ZC3HC1: variants seen among roughly 807,000 people sequenced by gnomAD.
ZC3HC1 encodes zinc finger C3HC-type containing 1, also known as zinc finger C3HC-type protein 1.
A neutral mutation model predicts 61.9 loss-of-function variants in ZC3HC1; 38 were observed. The observed-to-expected ratio is 0.61, with a 90% CI of 0.47 to 0.81. ZC3HC1 has a LOEUF of 0.81. Ranked by LOEUF, ZC3HC1 falls within the 30% of genes least tolerant of loss-of-function variation. The pLI, the probability that ZC3HC1 is intolerant of heterozygous loss-of-function variation, is 0.00. For synonymous variants in ZC3HC1, 213 were observed against 229.9 expected (o/e 0.93, Z 0.67); for missense variants, 554 against 622.7 (o/e 0.89, Z 1.17).
intron 1 of ZC3HC1, 57 bp from the exon 2 acceptor site, chr7:130,049,201 G>T: frequency 1.5e-6 from 2 of 1,295,824 alleles, no homozygotes; most frequent in Non-Finnish European, 1.1e-6. Context: ...CTGCTTAAAT[G>T]TTATCTAGCT....
chr7:130,023,412 TGGACC>T lies in ZC3HC1; in HGVS notation c.1233+94_1233+98del. On this transcript the variant is annotated intron_variant, in intron 8 of 9. Transcript: ENST00000358303. The surrounding 1 kb of genome is among the most constrained non-coding windows in gnomAD (Gnocchi z 4.2). ...TATTCACATGGTCTACTTTTTGCAT[TGGACC>T]ACGGAAGGGCTCCTGCCTGCTTCTC... 8.6e-7 allele frequency: 1 copy of T among 1,168,394 alleles called. No homozygotes were observed. Among genetic ancestry groups the T allele is most frequent in the African/African-American group, 1.5e-5 (1 of 65,308 alleles). The allele number at this position is 1,168,394 out of a possible 1,614,324, so 72.4% of individuals were successfully genotyped here.
rs576912212 is a variant in ZC3HC1 at position 130,025,784 on chromosome 7, G to A, written c.776+374C>T. Among the ~76,000 whole-genome samples, 19 of 145,392 alleles carry A rather than the reference G, an allele frequency of 1.3e-4. 1 individual carries two copies. In the South Asian group the frequency reaches 3.3e-3, roughly 25 times the overall value. On this transcript the variant is annotated intron_variant, in intron 6 of 9. Coordinates refer to ENST00000358303, the MANE Select transcript of ZC3HC1 (RefSeq NM_016478.5). ...CGGGAGGCTGAGACAGGAGAATGGC[G>A]TGAACCCGGGAGGCGGAGCTTGCAG...
chr7:130,023,749 G>A lies in ZC3HC1; in HGVS notation c.1021-26C>T, dbSNP rs1236136894. 6.5e-7 allele frequency: 1 copy of A among 1,541,346 alleles called. No individual in the cohort carries two copies. The highest frequency in any genetic ancestry group is 1.8e-5 in the Admixed American group (1 of 56,812). On this transcript the variant is annotated intron_variant, in intron 7 of 9. Coordinates refer to ENST00000358303, the MANE Select transcript of ZC3HC1 (RefSeq NM_016478.5). This position sits in a 1 kb window ranked among gnomAD's most constrained non-coding sequence, Gnocchi z 4.2. ...CTGAAGGAAAGGGGAGATAATGGAA[G>A]TACACGAATGATATTAATGATTATG... is the stretch of plus-strand genomic sequence containing the variant.
At chr7:130,030,573 C>T (rs941611754) in intron 4 of ZC3HC1, among the ~76,000 whole-genome samples, 1 of 151,952 alleles carries the variant, frequency 6.6e-6, no homozygotes, top group African/African-American at 2.4e-5. Flanking sequence ...GAGAACATGT[C>T]ATCCTAGCCT....
intron 2 of ZC3HC1, chr7:130,043,779 G>A (rs1794767568): frequency 2.3e-6 from 1 of 440,374 alleles, no homozygotes; most frequent in Non-Finnish European, 4.5e-6. Flanking sequence ...GCCAAGTGTG[G>A]AGTGCTAGGA....
intron 5 of ZC3HC1, chr7:130,026,582 C>A: frequency 3.5e-6 from 1 of 284,902 alleles, no homozygotes; most frequent in Non-Finnish European, 6.5e-6. Flanking sequence ...GTTCAATTTA[C>A]CAGCTGCAGA....
In ZC3HC1 at chr7:130,023,839, G is replaced by A; in HGVS notation, c.1021-116C>T. ...TTTTGAGACAGAGTCTCGCTTTGTT[G>A]CCAAGGCTGGAGAGCAGTGAGGCGA... is the stretch of plus-strand genomic sequence containing the variant. On this transcript the variant is annotated intron_variant, in intron 7 of 9. Transcript: ENST00000358303. The surrounding 1 kb of genome is among the most constrained non-coding windows in gnomAD (Gnocchi z 4.2). The A allele has an allele frequency of 1.0e-6, 1 of 980,154 alleles. No homozygotes were observed. The highest frequency in any genetic ancestry group is 1.5e-6 in the Non-Finnish European group (1 of 685,814). 60.7% of individuals were successfully genotyped at this position (980,154 alleles called of 1,614,324 possible).
In ZC3HC1 at chr7:130,050,335, C is replaced by T; in HGVS notation, c.146+886G>A. 2.4e-6 allele frequency: 3 copies of T among 1,276,456 alleles called. No individual in the cohort carries two copies. The South Asian group carries it at 4.0e-5, about 17-fold the overall frequency. 79.1% of individuals were successfully genotyped at this position (1,276,456 alleles called of 1,614,324 possible). ...CTCGTGATCTGCCCGCTTCAGCCTC[C>T]TCAAAGTGCTGGGATTATAGGCGTG... On this transcript the variant is annotated intron_variant, in intron 1 of 9. Coordinates refer to ENST00000358303, the MANE Select transcript of ZC3HC1 (RefSeq NM_016478.5).
Position 130,028,895 on chromosome 7 carries a change from AACTC to A in ZC3HC1, c.621+3_621+6del. The A allele has an allele frequency of 6.2e-7, 1 of 1,611,290 alleles. No individual in the cohort carries two copies. The highest frequency in any genetic ancestry group is 8.5e-7 in the Non-Finnish European group (1 of 1,178,450). ...AGGCCATTGCAGCCTAGTCAGGAAA[AACTC>A]ACCATAGTTTTCAAGTCCTCCGGCC... On this transcript the variant is annotated splice_donor_5th_base_variant and intron_variant, in intron 5 of 9. Coordinates refer to ENST00000358303, the MANE Select transcript of ZC3HC1 (RefSeq NM_016478.5).
chr7:130,032,757 GGGGAAGGGAAGGA>G (rs142780013), intron 4 of ZC3HC1, among the ~76,000 whole-genome samples: 1 of 59,222 alleles, frequency 1.7e-5, no homozygotes, highest in Non-Finnish European at 3.1e-5. Flanking sequence ...GAGGGGAAGG[GGGGAAGGGAAGGA>G]GGGAAGGGAG....
At chr7:130,045,067 C>T (rs1563085260) in intron 2 of ZC3HC1, among the ~76,000 whole-genome samples, 1 of 152,126 alleles carries the variant, frequency 6.6e-6, no homozygotes, top group South Asian at 2.1e-4. Context: ...ATTAGTATAA[C>T]TGATGGAAAA....
chr7:130,018,946 C>CACGGCTCAT (rs1252565921), intron 9 of ZC3HC1, among the ~76,000 whole-genome samples: 1 of 152,124 alleles, frequency 6.6e-6, no homozygotes, highest in Non-Finnish European at 1.5e-5. Context: ...GCCTCTAAGA[C>CACGGCTCAT]ACGGCTCATA....
At position 130,030,922 on chromosome 7, in the gene ZC3HC1, C is replaced by T. The variant is rs185115113; in HGVS notation, c.494-1893G>A. 2.0e-3 allele frequency among the ~76,000 whole-genome samples: 302 copies of T among 151,860 alleles called. 1 individual carries two copies. The highest frequency in any genetic ancestry group is 6.5e-3 in the African/African-American group (268 of 41,458). On this transcript the variant is annotated intron_variant, in intron 4 of 9. Coordinates refer to ENST00000358303, the MANE Select transcript of ZC3HC1 (RefSeq NM_016478.5). The stretch of plus-strand genomic sequence containing the variant: ...TGACCTCATGATCCGCCTGCCTCGG[C>T]CTCCCAAAGTGCTGGGATTACAGGC...
Position 130,027,720 on chromosome 7 carries a change from T to C in ZC3HC1, c.621+1182A>G, listed in dbSNP as rs534904794. ...TTTTAATAGAGACGGGGTTTCACCA[T>C]GTTGGCCAGGCTGGTCTCGAACTCC... On this transcript the variant is annotated intron_variant, in intron 5 of 9. Coordinates refer to ENST00000358303, the MANE Select transcript of ZC3HC1 (RefSeq NM_016478.5). Among the ~76,000 whole-genome samples the C allele has an allele frequency of 5.6e-4, 84 of 150,374 alleles. No individual in the cohort carries two copies. In the South Asian group the frequency reaches 9.2e-3, roughly 16 times the overall value.
At chr7:130,026,023 C>A (rs1416209535) in intron 6 of ZC3HC1, 135 bp downstream of exon 6, 2 of 1,007,330 alleles carry the variant, frequency 2.0e-6, no homozygotes, top group Admixed American at 5.8e-5. Context: ...TCGCACCATC[C>A]CCCACCCAGT....
rs1458467947 is a variant in ZC3HC1 at position 130,040,976 on chromosome 7, T to A, written c.384A>T (p.Leu128Phe). 7 of 1,612,640 alleles carry A rather than the reference T, an allele frequency of 4.3e-6. No individual in the cohort carries two copies. Among genetic ancestry groups the A allele is most frequent in the Non-Finnish European group, 5.9e-6 (7 of 1,179,688 alleles). Reference sequence around the variant, plus strand: ...ATCTGTCAAAGTCAAAAGCTGGTTGTAAACTGGCACAGAGAAAAGCTTGAC... The same window carrying A: ...ATCTGTCAAAGTCAAAAGCTGGTTGAAAACTGGCACAGAGAAAAGCTTGAC... ...SSCQAFLCAS[L>F]QPAFDFDRYK... The change falls in exon 3 of 10, where the codon TTA becomes TTT. Residue 128 changes from leucine to phenylalanine, a missense_variant. Transcript: ENST00000358303.
rs71175064 is a variant in ZC3HC1 at position 130,025,870 on chromosome 7, CAAAAAAAA to C, written c.776+280_776+287del. On this transcript the variant is annotated intron_variant, in intron 6 of 9. Coordinates refer to ENST00000358303, the MANE Select transcript of ZC3HC1 (RefSeq NM_016478.5). ...TGGGCAACAGAATGAGACTCCGTCT[CAAAAAAAA>C]AAAAAAAAAAAAAAAAGAGAACACA... Among the ~76,000 whole-genome samples, 33 of 58,596 alleles carry C rather than the reference CAAAAAAAA, an allele frequency of 5.6e-4. No homozygotes were observed. In the East Asian group the frequency reaches 0.015, roughly 26 times the overall value. The allele number at this position is 58,596 out of a possible 152,430, so 38.4% of individuals were successfully genotyped here. A position where few individuals can be genotyped will look rare whatever the true frequency, so the allele number is the denominator to read the frequency against.
intron 5 of ZC3HC1, chr7:130,026,964 C>T (rs1323281531): frequency 1.4e-4 from 19 of 134,414 alleles, no homozygotes; most frequent in South Asian, 2.3e-4. Context: ...AGCAAGACTC[C>T]GTATCAAAAA....
intron 8 of ZC3HC1, 127 bp from the exon 9 acceptor site, chr7:130,022,652 C>T (rs1289795486): frequency 3.1e-6 from 3 of 969,722 alleles, no homozygotes; most frequent in Non-Finnish European, 4.6e-6. Flanking sequence ...TGCTCTCCTT[C>T]AAACTTTGCC....
Sources: gnomAD v4.1 joint callset for allele counts (sites outside exome capture counted in the v4.1 genomes callset) on GRCh38, gnomAD v4.1.1 for gene constraint, Gnocchi (gnomAD v3.1) non-coding constraint, MANE v1.5 for transcripts, NCBI Gene and HGNC (gene_info 2026-07-23, HGNC 2026-07-21) for gene names.